The following PBX3 variants were observed in gnomAD, a reference collection of about 807,000 sequenced individuals.
PBX3 encodes PBX homeobox 3.
In PBX3, 14 loss-of-function variants were observed where a neutral mutation model predicts 48.5. The observed-to-expected ratio is 0.29, with a 90% CI of 0.19 to 0.45. PBX3 has a LOEUF of 0.45. PBX3 is among the 20% of genes least tolerant of loss of function. The pLI is 1.00. For missense variants in PBX3, 386 were observed against 546.7 expected (o/e 0.71, Z 2.93); for synonymous variants, 210 against 200.3 (o/e 1.05, Z -0.41).
chr9:125,748,452 G>T, intron 1 of PBX3, 98 bp from the exon 2 acceptor site: 1 of 1,536,434 alleles, frequency 6.5e-7, no homozygotes, highest in Non-Finnish European at 8.8e-7. Flanking sequence ...TTCCAGAATG[G>T]GGGGCTGGAA....
At chr9:125,788,205 AAGTT>A (rs1360588654) in intron 2 of PBX3, among the ~76,000 whole-genome samples, 2 of 152,230 alleles carry the variant, frequency 1.3e-5, no homozygotes, top group African/African-American at 4.8e-5. Flanking sequence ...GCAGAATATT[AAGTT>A]AGGAAAATGA....
intron 2 of PBX3, among the ~76,000 whole-genome samples, chr9:125,848,063 A>G (rs1839475206): frequency 6.6e-6 from 1 of 152,002 alleles, no homozygotes; most frequent in African/African-American, 2.4e-5. Context: ...CATCCAGCTC[A>G]TTGGTGCTCC....
At chr9:125,962,815 G>C (rs1842457509) in intron 7 of PBX3, among the ~76,000 whole-genome samples, 197 bp from the exon 8 acceptor site, 1 of 152,204 alleles carries the variant, frequency 6.6e-6, no homozygotes, top group African/African-American at 2.4e-5. Context: ...TGTTTGGCTG[G>C]CATGAAAAAC....
chr9:125,947,793 A>T (rs1291942455), intron 5 of PBX3, among the ~76,000 whole-genome samples: 2 of 152,194 alleles, frequency 1.3e-5, no homozygotes, highest in Non-Finnish European at 2.9e-5. Context: ...AAATATAAGG[A>T]CATAGAAAGT....
intron 2 of PBX3, among the ~76,000 whole-genome samples, chr9:125,791,301 G>GTCTGTCTGTCTATCTATCTATCTATCTA (rs1179896723): frequency 2.8e-5 from 3 of 109,018 alleles, no homozygotes; most frequent in East Asian, 3.0e-4. Context: ...CTGTCTGTCT[G>GTCTGTCTGTCTATCTATCTATCTATCTA]TCTATCTATC....
At chr9:125,788,431 C>G (rs1423255803) in intron 2 of PBX3, among the ~76,000 whole-genome samples, 1 of 152,136 alleles carries the variant, frequency 6.6e-6, no homozygotes, top group African/African-American at 2.4e-5. Context: ...AATATCAGAA[C>G]TTCTACTTAC....
chr9:125,892,718 T>G (rs1840678971), intron 2 of PBX3, among the ~76,000 whole-genome samples: 2 of 152,248 alleles, frequency 1.3e-5, no homozygotes, highest in African/African-American at 4.8e-5. Flanking sequence ...CCTGAAGTCC[T>G]CTTTAATATT....
chr9:125,857,408 T>A (rs1236078104), intron 2 of PBX3, among the ~76,000 whole-genome samples: 3 of 152,140 alleles, frequency 2.0e-5, no homozygotes, highest in Non-Finnish European at 4.4e-5. Flanking sequence ...GATTAGGGAT[T>A]CTCAACTTGT....
intron 2 of PBX3, among the ~76,000 whole-genome samples, chr9:125,905,312 C>T (rs2132435551): frequency 6.6e-6 from 1 of 152,130 alleles, no homozygotes; most frequent in African/African-American, 2.4e-5. Flanking sequence ...TATCCATCCT[C>T]CTAACTGGAA....
At chr9:125,835,755 T>G (rs1839115286) in intron 2 of PBX3, among the ~76,000 whole-genome samples, 1 of 152,192 alleles carries the variant, frequency 6.6e-6, no homozygotes, top group Admixed American at 6.5e-5. Flanking sequence ...GTTCATACAC[T>G]GTAGTTAGTG....
At chr9:125,763,944 CGTT>C (rs760102917) in intron 2 of PBX3, among the ~76,000 whole-genome samples, 25 of 152,168 alleles carry the variant, frequency 1.6e-4, no homozygotes, top group African/African-American at 3.1e-4. Flanking sequence ...GTCATTTAAA[CGTT>C]GTTTATGCAT....
chr9:125,780,476 C>G (rs1344598546), intron 2 of PBX3, among the ~76,000 whole-genome samples: 1 of 133,254 alleles, frequency 7.5e-6, no homozygotes, highest in Non-Finnish European at 1.6e-5. Flanking sequence ...TGACCCCCCC[C>G]ACCTCCCTCC....
rs868748339 is a variant in PBX3, at chr9:125,747,640, G to C, written c.187G>C (p.Glu63Gln). 1.3e-6 allele frequency: 2 copies of C among 1,591,826 alleles called. No individual in the cohort carries two copies. Among genetic ancestry groups the C allele is most frequent in the Middle Eastern group, 1.7e-4 (1 of 6,020 alleles). ...IMTITDQSLD[E>Q]AQAKKHALNC... Reference sequence around the variant, plus strand: ...GACCATCACCGACCAGAGCTTGGACGAGGCGCAAGCAAAGTTGGTGTCGTC... The same window carrying C: ...GACCATCACCGACCAGAGCTTGGACCAGGCGCAAGCAAAGTTGGTGTCGTC... The change falls in exon 1 of 9, where the codon GAG becomes CAG. Residue 63 changes from glutamate (E) to glutamine (Q), a missense_variant. Transcript: ENST00000373489.
At chr9:125,801,784 T>TACACACACACACAC (rs755443165) in intron 2 of PBX3, among the ~76,000 whole-genome samples, 8 of 74,300 alleles carry the variant, frequency 1.1e-4, no homozygotes, top group African/African-American at 4.4e-4. Context: ...TGAACATGTA[T>TACACACACACACAC]ACACATACAC....
chr9:125,760,885 G>T (rs1395626840), intron 2 of PBX3, among the ~76,000 whole-genome samples: 1 of 152,114 alleles, frequency 6.6e-6, no homozygotes, highest in Non-Finnish European at 1.5e-5. Flanking sequence ...CATTTAAAAA[G>T]TAAATGTTCT....
chr9:125,817,465 G>A (rs1465903493), intron 2 of PBX3, among the ~76,000 whole-genome samples: 2 of 152,116 alleles, frequency 1.3e-5, no homozygotes, highest in Non-Finnish European at 2.9e-5. Context: ...TTGTGCGATA[G>A]ATACATGTCC....
At chr9:125,888,558 CT>C (rs35303591) in intron 2 of PBX3, among the ~76,000 whole-genome samples, 105,090 of 145,082 alleles carry the variant, frequency 0.72, 38,061 homozygotes, top group African/African-American at 0.8. Context: ...TTTGATATTT[CT>C]TTTTTTTTTT....
chr9:125,919,613 T>C (rs774541399), intron 3 of PBX3, among the ~76,000 whole-genome samples: 7 of 152,174 alleles, frequency 4.6e-5, no homozygotes, highest in African/African-American at 1.7e-4. Context: ...GAAGAACATA[T>C]ATGTTAAGGC....
intron 4 of PBX3, among the ~76,000 whole-genome samples, chr9:125,930,151 G>T (rs1185080457): frequency 9.9e-5 from 15 of 152,136 alleles, no homozygotes. Context: ...ATAGTTTTCT[G>T]CATATAACTG....
Sources: gnomAD v4.1 joint callset for allele counts (sites outside exome capture counted in the v4.1 genomes callset) on GRCh38, gnomAD v4.1.1 for gene constraint, MANE v1.5 for transcripts, NCBI Gene and HGNC (gene_info 2026-07-23, HGNC 2026-07-21) for gene names.